The following CACNA1D variants were observed in gnomAD, a reference collection of about 807,000 sequenced individuals.
The protein encoded by CACNA1D is calcium voltage-gated channel subunit alpha1 D.
In CACNA1D, 55 loss-of-function variants were observed where a neutral mutation model predicts 257.1. That is an observed-to-expected ratio of 0.21 (90% CI 0.17 to 0.27). The LOEUF (loss-of-function observed/expected upper bound fraction) is 0.27, where lower values mean the gene tolerates loss of function less well. CACNA1D is among the 10% of genes least tolerant of loss of function. The probability of loss-of-function intolerance (pLI) is 1.00; values close to 1 mark genes in which losing one functional copy is unlikely to be tolerated. For missense variants in CACNA1D, 1,876 were observed against 2,784.0 expected (o/e 0.67, Z 7.34); for synonymous variants, 980 against 1,014.9 (o/e 0.97, Z 0.65).
chr3:53,664,951 C>A (rs888764002), intron 5 of CACNA1D, among the ~76,000 whole-genome samples: 1 of 152,118 alleles, frequency 6.6e-6, no homozygotes, highest in Non-Finnish European at 1.5e-5. Context: ...TTACAGCAGA[C>A]TTGCAAGACT....
chr3:53,694,705 G>A (rs747122466), intron 8 of CACNA1D, among the ~76,000 whole-genome samples: 7 of 152,114 alleles, frequency 4.6e-5, no homozygotes, highest in Non-Finnish European at 7.3e-5. Context: ...ATAAATGAGG[G>A]GCTTTTTTCT....
chr3:53,802,049 C>T, intron 42 of CACNA1D, 98 bp from the exon 43 acceptor site: 1 of 1,061,724 alleles, frequency 9.4e-7, no homozygotes, highest in Non-Finnish European at 1.5e-6. Context: ...TTTGCTAACC[C>T]CTACTCTAGG....
intron 8 of CACNA1D, among the ~76,000 whole-genome samples, chr3:53,691,931 T>TTA (rs1337287366): frequency 1.6e-5 from 1 of 64,376 alleles, no homozygotes; most frequent in Non-Finnish European, 3.1e-5. Flanking sequence ...ATTATATATA[T>TTA]TATATATATA....
rs931674037 is a variant in CACNA1D at position 53,749,540 on chromosome 3, TC to T, written c.3516+76del. ...GGAGTGCCTTCTTTATTGACTGATT[TC>T]CCCCATACCCAGAGAAGGGCACCCA... On this transcript the variant is annotated intron_variant, in intron 27 of 47. Transcript: ENST00000350061. 15 of 1,099,044 alleles carry T rather than the reference TC, an allele frequency of 1.4e-5. No homozygotes were observed. In the African/African-American group the frequency reaches 1.4e-4, roughly 10 times the overall value. The allele number at this position is 1,099,044 out of a possible 1,614,324, so 68.1% of individuals were successfully genotyped here.
At chr3:53,650,974 G>GC (rs2094085104) in intron 4 of CACNA1D, 56 bp downstream of exon 4, 4 of 1,305,064 alleles carry the variant, frequency 3.1e-6, no homozygotes, top group Non-Finnish European at 4.3e-6. Context: ...GGTGGAGGTT[G>GC]GGGGGGGTGG....
intron 3 of CACNA1D, among the ~76,000 whole-genome samples, chr3:53,644,880 T>C (rs2094002763): frequency 1.3e-5 from 2 of 152,182 alleles, no homozygotes; most frequent in African/African-American, 4.8e-5. Flanking sequence ...CCACTCTTAA[T>C]TTTTTGAGGA....
rs1375355978 is a variant in CACNA1D at position 53,810,087 on chromosome 3, C to T, written c.5981C>T (p.Thr1994Ile). ...PPATPPYRDW[T>I]PCYTPLIQVE... is the part of the protein sequence containing the mutation. ...GCAACCCCTCCCTACCGGGACTGGA[C>T]ACCGTGCTACACCCCCCTGATCCAA... Residue 1994 changes from threonine to isoleucine, a missense_variant, in exon 47 of 48, where the codon ACA (threonine) becomes ATA (isoleucine). Transcript: ENST00000350061. 11 of 1,613,842 alleles carry T rather than the reference C, an allele frequency of 6.8e-6. No individual in the cohort carries two copies. Among genetic ancestry groups the T allele is most frequent in the Admixed American group, 1.7e-5 (1 of 60,012 alleles).
chr3:53,497,396 C>T lies in CACNA1D; in HGVS notation c.312C>T (p.Arg104=), dbSNP rs564124151. The change falls in exon 2 of 48, where the codon CGC becomes CGT. Residue 104 remains arginine, a synonymous_variant. Coordinates refer to ENST00000350061, the MANE Select transcript of CACNA1D (RefSeq NM_001128840.3). ...ACTCGTCCAACAGCCGACCTGCCCG[C>T]GCCCTTTTCTGTTTATCACTCAATA... The part of the protein sequence containing the change: ...QGNSSNSRPA[R]ALFCLSLNNP... The T allele has an allele frequency of 2.8e-5, 46 of 1,614,208 alleles. No individual in the cohort carries two copies. The highest frequency in any genetic ancestry group is 1.1e-4 in the South Asian group (10 of 91,086).
chr3:53,773,256 TCGCGGGAA>T, intron 33 of CACNA1D: 9 of 321,656 alleles, frequency 2.8e-5, no homozygotes, highest in South Asian at 7.3e-5. Context: ...TGCCGAGCCG[TCGCGGGAA>T]CAGAAGGCTG....
chr3:53,723,742 C>T lies in CACNA1D; in HGVS notation c.1893-50C>T. ...ACATCCCCGGGCAGGTGATGTTCTG[C>T]TCTGTCCTGCATGGGTGTTCTGAGC... On this transcript the variant is annotated intron_variant, in intron 13 of 47. Transcript: ENST00000350061. This position sits in a 1 kb window ranked among gnomAD's most constrained non-coding sequence, Gnocchi z 5.6. 3.8e-6 allele frequency: 6 copies of T among 1,586,146 alleles called. No individual in the cohort carries two copies. The South Asian group carries it at 5.5e-5, about 15-fold the overall frequency.
intron 40 of CACNA1D, among the ~76,000 whole-genome samples, chr3:53,797,071 A>G (rs954704199): frequency 7.2e-5 from 11 of 152,210 alleles, no homozygotes; most frequent in Admixed American, 2.0e-4. Flanking sequence ...TTATCCCAAG[A>G]AAAAAAATGT....
chr3:53,685,819 G>C (rs769421003), intron 8 of CACNA1D, among the ~76,000 whole-genome samples: 2 of 152,096 alleles, frequency 1.3e-5, no homozygotes, highest in Non-Finnish European at 2.9e-5. Context: ...AGCTATATCA[G>C]TAAGGAAGAA....
At chr3:53,668,300 G>A (rs1366519630) in intron 7 of CACNA1D, among the ~76,000 whole-genome samples, 1 of 152,038 alleles carries the variant, frequency 6.6e-6, no homozygotes, top group African/African-American at 2.4e-5. Flanking sequence ...GAATTTTCCT[G>A]TTGCCAAGCA....
At chr3:53,530,455 A>G (rs1387006558) in intron 3 of CACNA1D, 5 of 152,174 alleles carry the variant, frequency 3.3e-5, no homozygotes, top group African/African-American at 4.8e-5. Flanking sequence ...AATCTAGAGG[A>G]TGGCACCTCT....
chr3:53,705,833 G>A (rs2094682668), intron 9 of CACNA1D, among the ~76,000 whole-genome samples: 1 of 152,162 alleles, frequency 6.6e-6, no homozygotes, highest in South Asian at 2.1e-4. Flanking sequence ...GTTTCCCTGG[G>A]GCCTCCTGTG....
intron 3 of CACNA1D, among the ~76,000 whole-genome samples, chr3:53,600,979 G>A (rs984131752): frequency 6.6e-6 from 1 of 152,248 alleles, no homozygotes; most frequent in Admixed American, 6.5e-5. Context: ...CAACCCTAAC[G>A]TGTTGGGGCA....
intron 45 of CACNA1D, among the ~76,000 whole-genome samples, chr3:53,806,947 C>G (rs1313593296): frequency 6.6e-6 from 1 of 152,234 alleles, no homozygotes; most frequent in Non-Finnish European, 1.5e-5. Flanking sequence ...AGCAAGCAAG[C>G]ACATGAATCC....
At chr3:53,507,225 A>G (rs894991719) in intron 3 of CACNA1D, among the ~76,000 whole-genome samples, 2 of 152,188 alleles carry the variant, frequency 1.3e-5, no homozygotes, top group Non-Finnish European at 2.9e-5. Flanking sequence ...ACAAATAATT[A>G]TATCTCTTTT....
chr3:53,655,328 T>A (rs542638021), intron 4 of CACNA1D, among the ~76,000 whole-genome samples: 1 of 152,344 alleles, frequency 6.6e-6, no homozygotes, highest in Non-Finnish European at 1.5e-5. Context: ...TCTGGGTGTG[T>A]ACCCAGTAAT....
Sources: gnomAD v4.1 joint callset for allele counts (sites outside exome capture counted in the v4.1 genomes callset) on GRCh38, gnomAD v4.1.1 for gene constraint, Gnocchi (gnomAD v3.1) non-coding constraint, MANE v1.5 for transcripts, NCBI Gene and HGNC (gene_info 2026-07-23, HGNC 2026-07-21) for gene names.